NCKAP1: variants seen among roughly 807,000 people sequenced by gnomAD.
The protein encoded by NCKAP1 is nck-associated protein 1.
A neutral mutation model predicts 151.2 loss-of-function variants in NCKAP1; 21 were observed. The ratio of observed to expected loss-of-function variants is 0.14; its 90% CI spans 0.10 to 0.20. The LOEUF is 0.20. NCKAP1 is among the 10% of genes least tolerant of loss of function. NCKAP1 has a pLI of 1.00. For missense variants in NCKAP1, 933 were observed against 1,352.1 expected, an observed-to-expected ratio of 0.69 and a Z score of 4.86; for synonymous variants, 484 against 451.8, an observed-to-expected ratio of 1.07 and a Z score of -0.90.
chr2:183,009,474 G>GCAA (rs1462276628), intron 2 of NCKAP1, among the ~76,000 whole-genome samples: 1,928 of 146,790 alleles, frequency 0.013, 19 homozygotes, highest in Middle Eastern at 0.021. Flanking sequence ...AAGGAAGGAA[G>GCAA]GAAGCAAGCA....
chr2:182,996,378 G>A (rs549265049), intron 6 of NCKAP1, among the ~76,000 whole-genome samples: 5 of 151,988 alleles, frequency 3.3e-5, no homozygotes, highest in Non-Finnish European at 7.4e-5. Context: ...GGTATTTAAC[G>A]TTTCATCTCA....
intron 30 of NCKAP1, 96 bp downstream of exon 30, chr2:182,926,720 A>G (rs777573007): frequency 1.1e-5 from 9 of 794,918 alleles, no homozygotes; most frequent in Non-Finnish European, 1.4e-5. Flanking sequence ...AACAAAAGGG[A>G]TCAAAAAAAG....
chr2:182,989,985 G>A (rs1345438393), intron 8 of NCKAP1, among the ~76,000 whole-genome samples: 10 of 150,558 alleles, frequency 6.6e-5, no homozygotes, highest in Admixed American at 6.6e-4. Context: ...GCAAGACTCT[G>A]TCTCAAAAAA....
chr2:182,954,899 G>A (rs926073938), intron 20 of NCKAP1, among the ~76,000 whole-genome samples: 1 of 151,998 alleles, frequency 6.6e-6, no homozygotes, highest in Admixed American at 6.6e-5. Flanking sequence ...AAAAAAAACT[G>A]CTTCTCTGTG....
chr2:182,960,488 T>A (rs1697423791), intron 18 of NCKAP1, among the ~76,000 whole-genome samples: 1 of 152,178 alleles, frequency 6.6e-6, no homozygotes, highest in Non-Finnish European at 1.5e-5. Context: ...GGGAAATGAT[T>A]CCCTATTTAA....
chr2:182,968,275 A>G (rs780427620), intron 15 of NCKAP1, among the ~76,000 whole-genome samples: 1 of 152,238 alleles, frequency 6.6e-6, no homozygotes, highest in African/African-American at 2.4e-5. Context: ...AGTAGTGGCA[A>G]TAAGACGGCA....
Position 182,995,743 on chromosome 2 carries a change from G to A in NCKAP1, c.699C>T (p.Ile233=). The change falls in exon 7 of 31, where the codon ATC becomes ATT. Residue 233 remains isoleucine (I), a synonymous_variant. Transcript: ENST00000361354. ...GATTAAGCATTGTACTAGGTGCACT[G>A]ATGAGGCTCAATAACTGGGCATTTC... ...QWRNAQLLSL[I]SAPSTMLNPA... The A allele has an allele frequency of 6.2e-7, 1 of 1,613,908 alleles. No homozygotes were observed. Among genetic ancestry groups the A allele is most frequent in the African/African-American group, 1.3e-5 (1 of 75,032 alleles).
Position 182,983,339 on chromosome 2 carries a change from G to A in NCKAP1, c.1048C>T (p.Leu350=), listed in dbSNP as rs1008417395. The change falls in exon 11 of 31, where the codon CTG becomes TTG. Residue 350 remains leucine, a synonymous_variant. Transcript: ENST00000361354. Reference sequence around the variant, plus strand: ...GAGAGGACAGTAGCCAATTCCTTCAGTGCAGATCTTAAAAACTTGCGTCTT... The same window carrying A: ...GAGAGGACAGTAGCCAATTCCTTCAATGCAGATCTTAAAAACTTGCGTCTT... ...RERRKFLRSA[L]KELATVLSDQ... is the part of the protein sequence containing the mutation. 3 of 1,613,582 alleles carry A rather than the reference G, an allele frequency of 1.9e-6. No individual in the cohort carries two copies. The highest frequency in any genetic ancestry group is 1.1e-5 in the South Asian group (1 of 91,056).
intron 29 of NCKAP1, 106 bp downstream of exon 29, chr2:182,928,011 C>A: frequency 1.3e-6 from 1 of 746,416 alleles, no homozygotes; most frequent in Non-Finnish European, 2.1e-6. Flanking sequence ...TTAGAGGACA[C>A]TAAATAAAAT....
intron 1 of NCKAP1, among the ~76,000 whole-genome samples, chr2:183,028,970 A>AAT: frequency 6.6e-6 from 1 of 150,914 alleles, no homozygotes; most frequent in Non-Finnish European, 1.5e-5. Flanking sequence ...AAAAAAAAAA[A>AAT]TAGCCAGGTA....
At chr2:183,003,834 A>G (rs190468017) in intron 2 of NCKAP1, among the ~76,000 whole-genome samples, 19 of 152,118 alleles carry the variant, frequency 1.2e-4, no homozygotes, top group Non-Finnish European at 1.6e-4. Context: ...AGAAAACACA[A>G]TAATATATTA....
At chr2:183,036,867 T>C (rs1234006098) in intron 1 of NCKAP1, among the ~76,000 whole-genome samples, 1 of 151,470 alleles carries the variant, frequency 6.6e-6, no homozygotes, top group Non-Finnish European at 1.5e-5. Context: ...CTACAATCTA[T>C]TGCTATGATT....
At chr2:182,979,955 C>T (rs1299947571) in intron 13 of NCKAP1, among the ~76,000 whole-genome samples, 1 of 152,006 alleles carries the variant, frequency 6.6e-6, no homozygotes, top group Non-Finnish European at 1.5e-5. Context: ...ATGATTGCTG[C>T]TGATACTATA....
chr2:182,976,545 A>C (rs984851881), intron 15 of NCKAP1, among the ~76,000 whole-genome samples: 1 of 152,230 alleles, frequency 6.6e-6, no homozygotes, highest in Admixed American at 6.5e-5. Flanking sequence ...TCTTTATTAG[A>C]AAAAGTTTGC....
intron 2 of NCKAP1, 71 bp downstream of exon 2, chr2:183,023,735 A>G: frequency 8.4e-7 from 1 of 1,192,594 alleles, no homozygotes; most frequent in Admixed American, 1.8e-5. Flanking sequence ...AGCTACTATA[A>G]GCACTGTGTT....
At chr2:182,974,879 A>G (rs1165133723) in intron 15 of NCKAP1, among the ~76,000 whole-genome samples, 1 of 151,910 alleles carries the variant, frequency 6.6e-6, no homozygotes, top group Non-Finnish European at 1.5e-5. Context: ...AAAAAACTTT[A>G]AAAATCTACA....
intron 2 of NCKAP1, among the ~76,000 whole-genome samples, chr2:183,005,423 A>C (rs922320205): frequency 6.6e-6 from 1 of 152,150 alleles, no homozygotes; most frequent in Admixed American, 6.6e-5. Flanking sequence ...TTAAGAACCT[A>C]AGACCTACAG....
chr2:182,975,838 G>C (rs79450170), intron 15 of NCKAP1, among the ~76,000 whole-genome samples: 1 of 152,124 alleles, frequency 6.6e-6, no homozygotes, highest in Non-Finnish European at 1.5e-5. Context: ...ATACGAGCCT[G>C]AGGTTACAGT....
At chr2:182,928,637 T>C in intron 28 of NCKAP1, 146 bp downstream of exon 28, 2 of 555,716 alleles carry the variant, frequency 3.6e-6, no homozygotes, top group East Asian at 3.0e-5. Context: ...ACATTTCATA[T>C]ATCAGGAAAC....
Sources: gnomAD v4.1 joint callset for allele counts (sites outside exome capture counted in the v4.1 genomes callset) on GRCh38, gnomAD v4.1.1 for gene constraint, MANE v1.5 for transcripts, NCBI Gene and HGNC (gene_info 2026-07-23, HGNC 2026-07-21) for gene names.